Variants in UBXN2A observed in about 807,000 individuals in gnomAD.
UBXN2A encodes the protein UBX domain protein 2A, also known as UBX domain-containing protein 2A.
A neutral mutation model predicts 28.4 loss-of-function variants in UBXN2A; 28 were observed. The ratio of observed to expected loss-of-function variants is 0.99; its 90% CI spans 0.73 to 1.35. UBXN2A has a LOEUF of 1.35. UBXN2A is among the 40% of genes most tolerant of loss of function. The pLI is 0.00. For synonymous variants in UBXN2A, 97 were observed against 103.6 expected (o/e 0.94, Z 0.39); for missense variants, 253 against 297.9 (o/e 0.85, Z 1.11).
intron 5 of UBXN2A, 47 bp from the exon 6 acceptor site, chr2:23,984,626 T>G (rs567661575): frequency 1.4e-6 from 2 of 1,385,620 alleles, no homozygotes; most frequent in East Asian, 5.4e-5. Flanking sequence ...TAATAAAGTT[T>G]TATTGAATGG....
chr2:23,984,042 A>T (rs188549347), intron 5 of UBXN2A, among the ~76,000 whole-genome samples: 1 of 152,304 alleles, frequency 6.6e-6, no homozygotes, highest in African/African-American at 2.4e-5. Flanking sequence ...ATGAATTTTG[A>T]GGTAATAAAA....
chr2:23,983,094 A>C, intron 5 of UBXN2A, 61 bp downstream of exon 5: 3 of 1,452,650 alleles, frequency 2.1e-6, no homozygotes, highest in East Asian at 4.9e-5. Flanking sequence ...TCTGTCTATC[A>C]GTATTTTACC....
intron 3 of UBXN2A, among the ~76,000 whole-genome samples, chr2:23,974,270 G>C (rs1386072846): frequency 9.9e-5 from 15 of 151,084 alleles, no homozygotes; most frequent in Admixed American, 8.6e-4. Context: ...GCCCGCCTCA[G>C]CCTCCCAAAG....
Position 24,003,050 on chromosome 2 carries a change from C to T in UBXN2A, c.*3183C>T, listed in dbSNP as rs1708749579. 6.6e-6 allele frequency: 1 copy of T among 152,108 alleles called. No individual in the cohort carries two copies. The highest frequency in any genetic ancestry group is 2.1e-4 in the South Asian group (1 of 4,828). 9.4% of individuals were successfully genotyped at this position (152,108 alleles called of 1,614,324 possible). A position where few individuals can be genotyped will look rare whatever the true frequency, so the allele number is the denominator to read the frequency against. On this transcript the variant is annotated 3_prime_UTR_variant, in exon 7 of 7. Coordinates refer to ENST00000309033, the MANE Select transcript of UBXN2A (RefSeq NM_181713.4). The stretch of plus-strand genomic sequence containing the variant: ...GATTCTGAAGCCTTAGTTTCAGAAT[C>T]ATTTGGGGCAGCTTTTCAAAAATGC...
At position 23,940,484 on chromosome 2, in the gene UBXN2A, C is replaced by G. The variant is rs1431148567; in HGVS notation, c.-179C>G. 1 of 151,246 alleles carries G rather than the reference C, an allele frequency of 6.6e-6. No homozygotes were observed. The highest frequency in any genetic ancestry group is 1.5e-5 in the Non-Finnish European group (1 of 67,804). 9.4% of individuals were successfully genotyped at this position (151,246 alleles called of 1,614,324 possible). ...GCGCGCTTGGGCGCCTGGCGAAGAC[C>G]GAGAGAGGCTGGCGGGATCTCAGCG... On this transcript the variant is annotated 5_prime_UTR_variant, in exon 1 of 7. Coordinates refer to ENST00000309033, the MANE Select transcript of UBXN2A (RefSeq NM_181713.4).
chr2:23,954,931 C>CTTTTTT (rs35139100), intron 1 of UBXN2A, among the ~76,000 whole-genome samples: 3 of 120,850 alleles, frequency 2.5e-5, no homozygotes, highest in Admixed American at 9.0e-5. Context: ...GCTTGCCTAC[C>CTTTTTT]TTTTTTTTTT....
chr2:23,998,000 C>T (rs1162779297), intron 6 of UBXN2A, among the ~76,000 whole-genome samples: 2 of 151,494 alleles, frequency 1.3e-5, no homozygotes, highest in African/African-American at 4.8e-5. Context: ...TTAGTAAAGA[C>T]AGAGTTTCAC....
intron 1 of UBXN2A, among the ~76,000 whole-genome samples, chr2:23,946,615 C>G (rs1017563016): frequency 6.6e-6 from 1 of 152,092 alleles, no homozygotes; most frequent in Non-Finnish European, 1.5e-5. Context: ...GCCACCATGC[C>G]TGGCCAATTT....
chr2:23,965,253 C>T (rs1393066530), intron 2 of UBXN2A, among the ~76,000 whole-genome samples: 10 of 152,198 alleles, frequency 6.6e-5, no homozygotes, highest in African/African-American at 2.4e-4. Context: ...CAGTACAACA[C>T]TGATGAGGAA....
rs1242324346 is a variant in UBXN2A at position 24,001,772 on chromosome 2, A to T, written c.*1905A>T. 6.6e-6 allele frequency: 1 copy of T among 151,382 alleles called. No homozygotes were observed. Among genetic ancestry groups the T allele is most frequent in the Non-Finnish European group, 1.5e-5 (1 of 67,874 alleles). 9.4% of individuals were successfully genotyped at this position (151,382 alleles called of 1,614,324 possible). Reference sequence around the variant, plus strand: ...CAAGTGATTGAGACCATCCTGTCCAACATGGTGAATCCCCGTCTCTACTAA... The same window carrying T: ...CAAGTGATTGAGACCATCCTGTCCATCATGGTGAATCCCCGTCTCTACTAA... On this transcript the variant is annotated 3_prime_UTR_variant, in exon 7 of 7. Coordinates refer to ENST00000309033, the MANE Select transcript of UBXN2A (RefSeq NM_181713.4).
At chr2:23,951,967 CTTTT>C (rs901333812) in intron 1 of UBXN2A, among the ~76,000 whole-genome samples, 7 of 132,334 alleles carry the variant, frequency 5.3e-5, no homozygotes, top group Admixed American at 3.8e-4. Flanking sequence ...AGTTTTTTTC[CTTTT>C]TTTTTTTTTT....
intron 1 of UBXN2A, among the ~76,000 whole-genome samples, chr2:23,950,935 T>C (rs894978692): frequency 1.3e-5 from 2 of 151,214 alleles, no homozygotes; most frequent in African/African-American, 4.9e-5. Flanking sequence ...CACATTGGCC[T>C]CCCAAAGTGC....
At chr2:23,977,894 T>C (rs1481301627) in intron 4 of UBXN2A, among the ~76,000 whole-genome samples, 1 of 152,100 alleles carries the variant, frequency 6.6e-6, no homozygotes, top group Non-Finnish European at 1.5e-5. Context: ...TACAGTGACA[T>C]GATCTCAGCT....
intron 1 of UBXN2A, among the ~76,000 whole-genome samples, chr2:23,955,808 C>G (rs1032858103): frequency 6.6e-6 from 1 of 152,214 alleles, no homozygotes; most frequent in African/African-American, 2.4e-5. Context: ...TGCAGTCCGT[C>G]ATTGACCAAA....
At chr2:23,997,482 T>C (rs112748941) in intron 6 of UBXN2A, among the ~76,000 whole-genome samples, 32,797 of 152,098 alleles carry the variant, frequency 0.22, 3,699 homozygotes, top group Middle Eastern at 0.29. Flanking sequence ...GACGGAGTCC[T>C]GCTCTGTCGC....
chr2:23,933,712 A>T (rs574581376), intron 1 of UBXN2A, among the ~76,000 whole-genome samples: 2 of 151,958 alleles, frequency 1.3e-5, no homozygotes, highest in African/African-American at 4.8e-5. Flanking sequence ...GCAGGGCAAG[A>T]CCCTGTCTCA....
intron 2 of UBXN2A, among the ~76,000 whole-genome samples, chr2:23,959,975 G>C (rs1036048127): frequency 6.6e-6 from 1 of 152,036 alleles, no homozygotes; most frequent in East Asian, 1.9e-4. Flanking sequence ...AGGTGCGGCC[G>C]GGCGCAGTGC....
In UBXN2A at chr2:23,984,711, A is replaced by G; in HGVS notation, c.464A>G (p.Glu155Gly). 6.4e-7 allele frequency: 1 copy of G among 1,562,632 alleles called. No individual in the cohort carries two copies. The highest frequency in any genetic ancestry group is 8.6e-7 in the Non-Finnish European group (1 of 1,163,170). Reference protein sequence around the residue: ...PKIVSKAKNIEVENKNNLSAV... With the variant: ...PKIVSKAKNIGVENKNNLSAV... ...ATTGTTTCTAAAGCAAAGAATATTG[A>G]AGTTGAAAATAAAAATAATTTGTCT... The change falls in exon 6 of 7, where the codon GAA becomes GGA. Residue 155 changes from glutamate to glycine, a missense_variant. Coordinates refer to ENST00000309033, the MANE Select transcript of UBXN2A (RefSeq NM_181713.4).
chr2:23,988,761 GATTT>G (rs201022784), intron 6 of UBXN2A, among the ~76,000 whole-genome samples: 1 of 151,588 alleles, frequency 6.6e-6, no homozygotes, highest in East Asian at 1.9e-4. Flanking sequence ...TTGATTGATT[GATTT>G]GTGTCTATAC....
Sources: allele counts gnomAD v4.1 joint callset (sites outside exome capture counted in the v4.1 genomes callset), GRCh38; gene constraint gnomAD v4.1.1; transcripts MANE v1.5; gene names NCBI Gene and HGNC (gene_info 2026-07-23, HGNC 2026-07-21).